CORO1C: variants seen among roughly 807,000 people sequenced by gnomAD.
CORO1C encodes the protein coronin 1C.
Under a neutral mutation model 51.2 loss-of-function variants are expected in CORO1C, and 14 were observed. That is an observed-to-expected ratio of 0.27 (90% CI 0.18 to 0.43). The LOEUF (loss-of-function observed/expected upper bound fraction) is 0.43. CORO1C is among the 20% of genes least tolerant of loss of function. The probability of loss-of-function intolerance (pLI) is 1.00; values close to 1 mark genes in which losing one functional copy is unlikely to be tolerated. For synonymous variants in CORO1C, 181 were observed against 210.5 expected (o/e 0.86, Z 1.21); for missense variants, 417 against 607.8 (o/e 0.69, Z 3.30).
chr12:108,647,430 T>C lies in CORO1C; in HGVS notation c.1398A>G (p.Glu466=), dbSNP rs1170278650. 6 of 1,613,898 alleles carry C rather than the reference T, an allele frequency of 3.7e-6. No homozygotes were observed. Among genetic ancestry groups the C allele is most frequent in the Non-Finnish European group, 5.1e-6 (6 of 1,179,892 alleles). ...AGGCTGCTATCTTTGCCATCTGCTG[T>C]TCTAACTTGGAAATACGCTCATCTT... The part of the protein sequence containing the change: ...CNQDERISKL[E]QQMAKIAA The change falls in exon 11 of 11, where the codon GAA becomes GAG. Residue 466 remains glutamate, a synonymous_variant. Transcript: ENST00000261401.
intron 2 of CORO1C, among the ~76,000 whole-genome samples, chr12:108,686,009 C>T (rs957056273): frequency 6.6e-6 from 1 of 152,138 alleles, no homozygotes; most frequent in Non-Finnish European, 1.5e-5. Flanking sequence ...AATCAGCATA[C>T]GTTATTAAAA....
intron 3 of CORO1C, among the ~76,000 whole-genome samples, chr12:108,662,469 G>A (rs193102228): frequency 2.4e-3 from 369 of 152,274 alleles, no homozygotes; most frequent in African/African-American, 8.1e-3. Context: ...AGACTCCCAA[G>A]TATCGGCTGT....
At chr12:108,725,297 G>A (rs1280249432) in intron 1 of CORO1C, among the ~76,000 whole-genome samples, 2 of 152,218 alleles carry the variant, frequency 1.3e-5, no homozygotes, top group Non-Finnish European at 2.9e-5. Context: ...GATGTAAAAT[G>A]TATTAAACTT....
chr12:108,727,547 C>T (rs553138422), intron 1 of CORO1C, among the ~76,000 whole-genome samples: 1 of 152,326 alleles, frequency 6.6e-6, no homozygotes, highest in South Asian at 2.1e-4. Context: ...AAGGTGAGGT[C>T]ACCAGAGGAT....
At chr12:108,660,595 C>T (rs1175698659) in intron 4 of CORO1C, among the ~76,000 whole-genome samples, 1 of 152,162 alleles carries the variant, frequency 6.6e-6, no homozygotes, top group African/African-American at 2.4e-5. Context: ...ACTTCAGCCC[C>T]GGCAGCTGGA....
At chr12:108,719,208 A>C (rs1038346944) in intron 1 of CORO1C, among the ~76,000 whole-genome samples, 2 of 152,090 alleles carry the variant, frequency 1.3e-5, no homozygotes, top group African/African-American at 4.8e-5. Flanking sequence ...TCCTTATGAA[A>C]GTAGGACAAA....
intron 10 of CORO1C, 137 bp from the exon 11 acceptor site, chr12:108,647,659 T>A (rs1478244056): frequency 1.6e-6 from 1 of 616,664 alleles, no homozygotes; most frequent in Non-Finnish European, 2.8e-6. Context: ...AAAAGAGAAG[T>A]CAAAGCCCTA....
chr12:108,662,252 G>GTTCTGTT, intron 3 of CORO1C, 94 bp from the exon 4 acceptor site: 2 of 1,087,190 alleles, frequency 1.8e-6, no homozygotes, highest in Non-Finnish European at 2.8e-6. Context: ...TTTGCTCTAT[G>GTTCTGTT]TAAACAGAAC....
At chr12:108,683,383 C>T (rs944961559) in intron 2 of CORO1C, among the ~76,000 whole-genome samples, 53 of 147,074 alleles carry the variant, frequency 3.6e-4, no homozygotes, top group African/African-American at 1.1e-3. Context: ...CGCACCATTG[C>T]ACTCCAGTCC....
At chr12:108,654,256 A>T (rs1454790330) in intron 7 of CORO1C, 50 bp downstream of exon 7, 1 of 1,175,968 alleles carries the variant, frequency 8.5e-7, no homozygotes, top group Non-Finnish European at 1.3e-6. Flanking sequence ...CTGAAGGATA[A>T]ATGTTTCCAC....
At chr12:108,664,398 T>A (rs1361793160) in intron 3 of CORO1C, among the ~76,000 whole-genome samples, 1 of 152,126 alleles carries the variant, frequency 6.6e-6, no homozygotes, top group African/African-American at 2.4e-5. Flanking sequence ...CTGCAAAAAA[T>A]GAGAACAAAA....
At chr12:108,660,073 G>A (rs2033192145) in intron 4 of CORO1C, among the ~76,000 whole-genome samples, 1 of 152,208 alleles carries the variant, frequency 6.6e-6, no homozygotes, top group South Asian at 2.1e-4. Flanking sequence ...TCCTAGAGGT[G>A]GATTCTTGCC....
At chr12:108,685,830 A>T (rs1169140170) in intron 2 of CORO1C, among the ~76,000 whole-genome samples, 1 of 152,202 alleles carries the variant, frequency 6.6e-6, no homozygotes, top group Non-Finnish European at 1.5e-5. Context: ...AAATGTGAAG[A>T]CAGTATGGGG....
At chr12:108,654,757 C>T (rs918670560) in intron 6 of CORO1C, among the ~76,000 whole-genome samples, 1 of 151,408 alleles carries the variant, frequency 6.6e-6, no homozygotes, top group Non-Finnish European at 1.5e-5. Context: ...GGCTGGAGTG[C>T]AGTAGTGCTA....
intron 8 of CORO1C, chr12:108,649,660 T>C (rs1425526221): frequency 3.3e-5 from 5 of 153,494 alleles, no homozygotes; most frequent in African/African-American, 4.8e-5. Context: ...ATAACATTTT[T>C]ATTTGTATCC....
chr12:108,697,292 CA>C (rs2034718156), intron 2 of CORO1C, among the ~76,000 whole-genome samples: 1 of 152,050 alleles, frequency 6.6e-6, no homozygotes. Context: ...AACGCATCAC[CA>C]AAACTAACCT....
At chr12:108,726,548 G>C (rs141821039) in intron 1 of CORO1C, among the ~76,000 whole-genome samples, 2 of 151,628 alleles carry the variant, frequency 1.3e-5, no homozygotes, top group Non-Finnish European at 2.9e-5. Flanking sequence ...GGTGCATCAC[G>C]CCTATAATCC....
intron 1 of CORO1C, among the ~76,000 whole-genome samples, chr12:108,717,403 T>G (rs868667648): frequency 6.6e-6 from 1 of 152,162 alleles, no homozygotes; most frequent in Non-Finnish European, 1.5e-5. Flanking sequence ...TTTTTAAGTA[T>G]GAGTATGTGA....
chr12:108,700,851 T>C (rs1191986295), intron 2 of CORO1C: 1 of 313,522 alleles, frequency 3.2e-6, no homozygotes, highest in Non-Finnish European at 5.8e-6. Flanking sequence ...AATGAAATCT[T>C]AAAATTCCTA....
Sources: gnomAD v4.1 joint callset for allele counts (sites outside exome capture counted in the v4.1 genomes callset) on GRCh38, gnomAD v4.1.1 for gene constraint, MANE v1.5 for transcripts, NCBI Gene and HGNC (gene_info 2026-07-23, HGNC 2026-07-21) for gene names.